Variants in RASEF observed in about 807,000 individuals in gnomAD.
RASEF encodes RAS and EF-hand domain containing, also known as ras and EF-hand domain-containing protein.
RASEF carries 68 observed loss-of-function variants against 90.1 expected under a neutral mutation model. That is an observed-to-expected ratio of 0.75 (90% CI 0.62 to 0.92). The LOEUF is 0.92. Among genes scored for constraint, RASEF ranks in the 40% least tolerant of loss-of-function variants. The pLI, the probability that RASEF is intolerant of heterozygous loss-of-function variation, is 0.00. For missense variants in RASEF, 949 were observed against 937.2 expected (o/e 1.01, Z -0.16); for synonymous variants, 331 against 345.2 (o/e 0.96, Z 0.46).
chr9:83,016,620 G>A (rs965325210), intron 3 of RASEF, among the ~76,000 whole-genome samples: 8 of 152,092 alleles, frequency 5.3e-5, no homozygotes, highest in African/African-American at 1.9e-4. Flanking sequence ...CTAAGGGACT[G>A]GGGACATGGG....
At chr9:82,988,824 T>C (rs1340868910) in intron 16 of RASEF, among the ~76,000 whole-genome samples, 2 of 152,178 alleles carry the variant, frequency 1.3e-5, no homozygotes, top group Non-Finnish European at 2.9e-5. Flanking sequence ...TTGAACCTAT[T>C]TTCTTTATAA....
the RASEF span, among the ~76,000 whole-genome samples, chr9:83,089,681 T>C: frequency 6.6e-6 from 1 of 152,316 alleles, no homozygotes; most frequent in East Asian, 1.9e-4. Context: ...ATTTGTTGTT[T>C]GTCTTGTTGG....
At chr9:83,123,331 C>T in the RASEF span, among the ~76,000 whole-genome samples, 1 of 151,294 alleles carries the variant, frequency 6.6e-6, no homozygotes, top group Non-Finnish European at 1.5e-5. Context: ...GTCCTAAAGA[C>T]TCCCTCTGTA....
At chr9:83,054,520 C>T (rs1453696342) in intron 1 of RASEF, 4 of 141,418 alleles carry the variant, frequency 2.8e-5, no homozygotes, top group African/African-American at 8.4e-5. Context: ...GTAATTTGAT[C>T]GTCTGAAGCC....
chr9:83,055,410 C>A (rs1334326192), intron 1 of RASEF: 21 of 539,846 alleles, frequency 3.9e-5, no homozygotes, highest in South Asian at 1.6e-4. Flanking sequence ...GGCTCGCGCA[C>A]GGTGCGCGCA....
chr9:83,080,297 A>G, the RASEF span, among the ~76,000 whole-genome samples: 1 of 152,218 alleles, frequency 6.6e-6, no homozygotes, highest in African/African-American at 2.4e-5. Context: ...CATAAAGGAG[A>G]CAGTCATGCA....
chr9:83,155,875 T>C, the RASEF span, among the ~76,000 whole-genome samples: 1 of 152,132 alleles, frequency 6.6e-6, no homozygotes, highest in Non-Finnish European at 1.5e-5. Context: ...CCAGCATGAT[T>C]TGGTTTCAGA....
chr9:83,000,405 G>C (rs780765472), intron 11 of RASEF, 28 bp downstream of exon 11: 2 of 1,612,626 alleles, frequency 1.2e-6, no homozygotes, highest in South Asian at 1.1e-5. Flanking sequence ...CAGTGTTCAT[G>C]AATAGGAGTG....
chr9:83,167,200 A>G, the RASEF span, among the ~76,000 whole-genome samples: 1 of 152,086 alleles, frequency 6.6e-6, no homozygotes, highest in Non-Finnish European at 1.5e-5. Context: ...AAATCAGGCA[A>G]TTTAGGCAAA....
At chr9:83,005,288 G>A in intron 8 of RASEF, 128 bp downstream of exon 8, 1 of 647,468 alleles carries the variant, frequency 1.5e-6, no homozygotes, top group Non-Finnish European at 2.7e-6. Context: ...TTATTTTATG[G>A]AAAGATCTTC....
the RASEF span, among the ~76,000 whole-genome samples, chr9:83,113,979 G>A: frequency 4.6e-5 from 7 of 151,992 alleles, no homozygotes; most frequent in Non-Finnish European, 7.4e-5. Context: ...GTGGCTCAGG[G>A]TCATCATCAC....
At chr9:83,178,404 A>C in the RASEF span, among the ~76,000 whole-genome samples, 4 of 152,176 alleles carry the variant, frequency 2.6e-5, no homozygotes, top group Non-Finnish European at 5.9e-5. Flanking sequence ...ACTCCCAGCC[A>C]TAAAATGGCT....
the RASEF span, among the ~76,000 whole-genome samples, chr9:83,101,954 G>A: frequency 3.7e-4 from 56 of 152,104 alleles, no homozygotes; most frequent in African/African-American, 1.3e-3. Flanking sequence ...TCTGTAAGGC[G>A]CATCACAGCC....
chr9:83,039,927 T>C (rs1829808165), intron 1 of RASEF, among the ~76,000 whole-genome samples: 1 of 152,136 alleles, frequency 6.6e-6, no homozygotes, highest in African/African-American at 2.4e-5. Context: ...TCATCTTAAC[T>C]GTAGCTCCCA....
chr9:83,198,938 A>T, the RASEF span, among the ~76,000 whole-genome samples: 1 of 152,154 alleles, frequency 6.6e-6, no homozygotes, highest in Non-Finnish European at 1.5e-5. Context: ...AACAAAAAGA[A>T]CTGCCACAAA....
At chr9:83,114,368 T>G in the RASEF span, among the ~76,000 whole-genome samples, 1 of 152,182 alleles carries the variant, frequency 6.6e-6, no homozygotes, top group African/African-American at 2.4e-5. Context: ...CTCAGGACCC[T>G]GTGATGATTG....
the RASEF span, among the ~76,000 whole-genome samples, chr9:83,132,249 A>G: frequency 5.3e-5 from 8 of 152,154 alleles, no homozygotes; most frequent in South Asian, 2.1e-4. Flanking sequence ...CGGAGCTACC[A>G]TGTAATAGTC....
chr9:83,015,637 G>A (rs1221147187), intron 4 of RASEF, among the ~76,000 whole-genome samples, 168 bp downstream of exon 4: 1 of 152,160 alleles, frequency 6.6e-6, no homozygotes, highest in Non-Finnish European at 1.5e-5. Context: ...CCAAGATCTT[G>A]CCACTGCACT....
chr9:83,152,008 G>C, the RASEF span, among the ~76,000 whole-genome samples: 7 of 152,256 alleles, frequency 4.6e-5, no homozygotes, highest in African/African-American at 1.7e-4. Flanking sequence ...TGTTTGTGCT[G>C]GTGTTTGTCA....
Sources: allele counts gnomAD v4.1 joint callset (sites outside exome capture counted in the v4.1 genomes callset), GRCh38; gene constraint gnomAD v4.1.1; transcripts MANE v1.5; gene names NCBI Gene and HGNC (gene_info 2026-07-23, HGNC 2026-07-21).